NRG2: variants seen among roughly 807,000 people sequenced by gnomAD.
NRG2 encodes pro-neuregulin-2, membrane-bound isoform.
NRG2 carries 27 observed loss-of-function variants against 73.9 expected under a neutral mutation model. That is an observed-to-expected ratio of 0.37 (90% CI 0.27 to 0.50). NRG2 has a LOEUF of 0.50. Ranked by LOEUF, NRG2 falls within the 20% of genes least tolerant of loss-of-function variation. NRG2 has a pLI of 0.96. For missense variants in NRG2, 1,126 were observed against 1,210.1 expected (o/e 0.93, Z 1.03); for synonymous variants, 532 against 541.0 (o/e 0.98, Z 0.23).
chr5:139,865,281 G>A lies in NRG2; in HGVS notation c.1189+268C>T, dbSNP rs1340340487. Reference sequence around the variant, plus strand: ...AATGCCAGCTGGGTTCCTTGCCACCGTTACCATTTGTATTGGCCTTGCCAC... The same window carrying A: ...AATGCCAGCTGGGTTCCTTGCCACCATTACCATTTGTATTGGCCTTGCCAC... On this transcript the variant is annotated intron_variant, in intron 5 of 9. Coordinates refer to ENST00000361474, the MANE Select transcript of NRG2 (RefSeq NM_004883.3). The surrounding 1 kb of genome is among the most constrained non-coding windows in gnomAD (Gnocchi z 5.2). The A allele has an allele frequency of 1.3e-5, 12 of 927,308 alleles. No homozygotes were observed. Among genetic ancestry groups the A allele is most frequent in the South Asian group, 1.1e-4 (8 of 73,486 alleles). 57.4% of individuals were successfully genotyped at this position (927,308 alleles called of 1,614,324 possible).
intron 1 of NRG2, among the ~76,000 whole-genome samples, chr5:139,978,424 T>A (rs1756537251): frequency 6.6e-6 from 1 of 152,194 alleles, no homozygotes; most frequent in African/African-American, 2.4e-5. Flanking sequence ...AGAATGGCGA[T>A]CATTAAAAAG....
intron 1 of NRG2, among the ~76,000 whole-genome samples, chr5:139,999,199 T>C (rs1489351983): frequency 6.6e-6 from 1 of 151,980 alleles, no homozygotes; most frequent in Non-Finnish European, 1.5e-5. Context: ...ACCTTAATAA[T>C]ACACCCTAAT....
chr5:139,938,620 T>G (rs1199975451), intron 1 of NRG2, among the ~76,000 whole-genome samples: 1 of 151,984 alleles, frequency 6.6e-6, no homozygotes, highest in African/African-American at 2.4e-5. Context: ...TCACCTTGGC[T>G]GCCCAGAATT....
Position 139,904,748 on chromosome 5 carries a change from G to T in NRG2, c.701-17237C>A, listed in dbSNP as rs1422041178. 6.6e-6 allele frequency among the ~76,000 whole-genome samples: 1 copy of T among 152,194 alleles called. No individual in the cohort carries two copies. The highest frequency in any genetic ancestry group is 1.5e-5 in the Non-Finnish European group (1 of 68,022). ...GGCCTGAGCATGATTGGGGAGGGCG[G>T]AGTAGAGATCCCCCAGCGAGGGCCA... is the stretch of plus-strand genomic sequence containing the variant. On this transcript the variant is annotated intron_variant, in intron 1 of 9. Coordinates refer to ENST00000361474, the MANE Select transcript of NRG2 (RefSeq NM_004883.3). This position sits in a 1 kb window ranked among gnomAD's most constrained non-coding sequence, Gnocchi z 6.0.
chr5:140,011,908 T>C (rs139540810), intron 1 of NRG2, among the ~76,000 whole-genome samples: 1 of 152,236 alleles, frequency 6.6e-6, no homozygotes, highest in East Asian at 1.9e-4. Flanking sequence ...TAAACATTTC[T>C]TAATACTTTC....
intron 1 of NRG2, among the ~76,000 whole-genome samples, chr5:139,959,578 G>C (rs1334743813): frequency 6.6e-6 from 1 of 152,118 alleles, no homozygotes; most frequent in Non-Finnish European, 1.5e-5. Context: ...GTTTCACCAC[G>C]TTGGTCAGGC....
chr5:140,033,627 C>T (rs1311096747), intron 1 of NRG2, among the ~76,000 whole-genome samples: 1 of 152,196 alleles, frequency 6.6e-6, no homozygotes, highest in Admixed American at 6.5e-5. Flanking sequence ...TTCTCACCAC[C>T]ACCTCCACCA....
chr5:139,965,308 C>A (rs945823454), intron 1 of NRG2, among the ~76,000 whole-genome samples: 1 of 152,248 alleles, frequency 6.6e-6, no homozygotes, highest in African/African-American at 2.4e-5. Flanking sequence ...GAGGGACACC[C>A]CGACTCTCTC....
chr5:139,958,609 G>C (rs994474765), intron 1 of NRG2, among the ~76,000 whole-genome samples: 8 of 152,072 alleles, frequency 5.3e-5, no homozygotes, highest in Non-Finnish European at 1.2e-4. Flanking sequence ...AAAAATCACT[G>C]CTCTAGGCCA....
rs1490332425 is a variant in NRG2, at chr5:139,856,205, T to C, written c.1190-427A>G. ...AGAACCTTGGTGGGCCAAGAGGAGT[T>C]GTTCTTCCTGGCAGTGATCATGGGA... is the stretch of plus-strand genomic sequence containing the variant. On this transcript the variant is annotated intron_variant, in intron 5 of 9. Transcript: ENST00000361474. The surrounding 1 kb of genome is among the most constrained non-coding windows in gnomAD (Gnocchi z 4.2). The C allele has an allele frequency of 5.1e-6, 1 of 194,894 alleles. No homozygotes were observed. The highest frequency in any genetic ancestry group is 1.1e-5 in the Non-Finnish European group (1 of 92,006). The allele number at this position is 194,894 out of a possible 1,614,324, so 12.1% of individuals were successfully genotyped here.
intron 1 of NRG2, among the ~76,000 whole-genome samples, chr5:139,917,253 A>AT (rs553938869): frequency 1.1e-4 from 17 of 151,722 alleles, no homozygotes; most frequent in Admixed American, 2.0e-4. Context: ...ATTTTGTTTC[A>AT]TTTTTTTTGT....
At chr5:139,858,224 A>T (rs1316103312) in intron 5 of NRG2, among the ~76,000 whole-genome samples, 3 of 152,256 alleles carry the variant, frequency 2.0e-5, no homozygotes, top group South Asian at 4.1e-4. Context: ...TGTGCTTCAG[A>T]GATGCTGGAA....
chr5:139,974,645 G>A (rs1756241568), intron 1 of NRG2, among the ~76,000 whole-genome samples: 1 of 152,116 alleles, frequency 6.6e-6, no homozygotes, highest in Admixed American at 6.5e-5. Context: ...CATTAAAAAT[G>A]TAAGATTCCA....
At chr5:139,890,312 T>G (rs1182042178) in intron 1 of NRG2, among the ~76,000 whole-genome samples, 1 of 152,248 alleles carries the variant, frequency 6.6e-6, no homozygotes, top group Non-Finnish European at 1.5e-5. Flanking sequence ...CAGTCTGTTT[T>G]CCTATCGAGT....
chr5:139,880,925 C>A lies in NRG2; in HGVS notation c.922G>T (p.Glu308Ter). The A allele has an allele frequency of 6.2e-7, 1 of 1,614,196 alleles. No homozygotes were observed. The highest frequency in any genetic ancestry group is 8.5e-7 in the Non-Finnish European group (1 of 1,180,010). ...FNKVKVEDAG[E>*]YVCEAENILG... ...ATGTTCTCGGCCTCGCAGACATACT[C>A]CCCAGCGTCCTCCACCTTCACCTTG... The change falls in exon 3 of 10, where the codon GAG (glutamate) becomes TAG (stop). Residue 308 changes from glutamate to a stop codon, truncating the protein, a stop_gained. Transcript: ENST00000361474. LOFTEE classifies it high-confidence loss of function.
chr5:139,951,212 T>G (rs1186198901), intron 1 of NRG2, among the ~76,000 whole-genome samples: 1 of 152,234 alleles, frequency 6.6e-6, no homozygotes, highest in African/African-American at 2.4e-5. Flanking sequence ...TCCCTCACTT[T>G]CTGTGCTTCA....
rs185746671 is a variant in NRG2, at chr5:139,904,023, C to T, written c.701-16512G>A. 3.9e-3 allele frequency among the ~76,000 whole-genome samples: 591 copies of T among 152,350 alleles called. 3 individuals carry two copies. The highest frequency in any genetic ancestry group is 0.014 in the African/African-American group (563 of 41,592). On this transcript the variant is annotated intron_variant, in intron 1 of 9. Coordinates refer to ENST00000361474, the MANE Select transcript of NRG2 (RefSeq NM_004883.3). The surrounding 1 kb of genome is among the most constrained non-coding windows in gnomAD (Gnocchi z 6.0). Reference sequence around the variant, plus strand: ...TCCCCGCTCGCTCAGGGCTGCTCGCCTGCAGGCCGGTACCGGCGTGCAGCG... The same window carrying T: ...TCCCCGCTCGCTCAGGGCTGCTCGCTTGCAGGCCGGTACCGGCGTGCAGCG...
chr5:139,913,861 T>C (rs71581512), intron 1 of NRG2, among the ~76,000 whole-genome samples: 22,046 of 152,230 alleles, frequency 0.14, 1,669 homozygotes, highest in South Asian at 0.26. Context: ...GATAGTTAAA[T>C]GTAACCTGGG....
chr5:139,908,039 G>C (rs536122051), intron 1 of NRG2, among the ~76,000 whole-genome samples: 192 of 152,368 alleles, frequency 1.3e-3, no homozygotes, highest in African/African-American at 3.7e-3. Context: ...GGAAACAAAG[G>C]CTAGGAGTAA....
Sources: gnomAD v4.1 joint callset for allele counts (sites outside exome capture counted in the v4.1 genomes callset) on GRCh38, gnomAD v4.1.1 for gene constraint, Gnocchi (gnomAD v3.1) non-coding constraint, MANE v1.5 for transcripts, NCBI Gene and HGNC (gene_info 2026-07-23, HGNC 2026-07-21) for gene names.